Variants in COG6 observed in about 807,000 individuals in gnomAD.
COG6 encodes conserved oligomeric Golgi complex subunit 6.
Under a neutral mutation model 88.8 loss-of-function variants are expected in COG6, and 74 were observed. That is an observed-to-expected ratio of 0.83 (90% confidence interval 0.69 to 1.01). The LOEUF is 1.01. Ranked by LOEUF, COG6 falls within the 50% of genes least tolerant of loss-of-function variation. The pLI is 0.00. For synonymous variants in COG6, 286 were observed against 278.7 expected (o/e 1.03, Z -0.26); for missense variants, 800 against 797.9 (o/e 1.00, Z -0.03).
chr13:39,744,012 A>T (rs1453533295), intron 18 of COG6, among the ~76,000 whole-genome samples: 1 of 152,214 alleles, frequency 6.6e-6, no homozygotes, highest in Non-Finnish European at 1.5e-5. Flanking sequence ...CCACATGATT[A>T]TCTCAATAAA....
intron 4 of COG6, among the ~76,000 whole-genome samples, chr13:39,676,023 T>C (rs181814450): frequency 2.5e-4 from 38 of 152,292 alleles, no homozygotes; most frequent in African/African-American, 7.9e-4. Context: ...TAAACATTTA[T>C]CATTTCTTTG....
intron 18 of COG6, among the ~76,000 whole-genome samples, chr13:39,761,651 C>T (rs1881018470): frequency 6.6e-6 from 1 of 151,402 alleles, no homozygotes; most frequent in African/African-American, 2.4e-5. Flanking sequence ...ATATTTAGAA[C>T]ATACAAGGAC....
intron 18 of COG6, among the ~76,000 whole-genome samples, chr13:39,728,537 G>T (rs995211218): frequency 6.6e-6 from 1 of 151,374 alleles, no homozygotes; most frequent in Non-Finnish European, 1.5e-5. Flanking sequence ...TAGAGTAAAT[G>T]AATTTAATTT....
At chr13:39,713,210 A>G (rs1239882591) in intron 13 of COG6, among the ~76,000 whole-genome samples, 2 of 152,092 alleles carry the variant, frequency 1.3e-5, no homozygotes, top group Non-Finnish European at 2.9e-5. Context: ...AGCTTATAGG[A>G]ATTTCTGTAT....
At position 39,687,495 on chromosome 13, in the gene COG6, T is replaced by C; in HGVS notation, c.789-8T>C. 7 of 1,611,974 alleles carry C rather than the reference T, an allele frequency of 4.3e-6. No individual in the cohort carries two copies. Among genetic ancestry groups the C allele is most frequent in the Non-Finnish European group, 5.9e-6 (7 of 1,178,166 alleles). On this transcript the variant is annotated splice_polypyrimidine_tract_variant and splice_region_variant and intron_variant, in intron 8 of 18. Transcript: ENST00000455146. ...CCAACCATTTTTTATATAACTTGTTTCTTCTAGATATACCTTAGATGAATT... is the reference window on the plus strand; with the variant it reads ...CCAACCATTTTTTATATAACTTGTTCCTTCTAGATATACCTTAGATGAATT...
rs200866607 is a variant in COG6 at position 39,750,949 on chromosome 13, G to C, written c.1830G>C (p.Glu610Asp). ...CATTTTGTTTGCTTATCAATAGAGAGCAGATCGTAAAACAATCTACAGAAT... is the reference window on the plus strand; with the variant it reads ...CATTTTGTTTGCTTATCAATAGAGACCAGATCGTAAAACAATCTACAGAAT... ...LNFLLSATVK[E>D]QIVKQSTELV... Residue 610 changes from glutamate (E) to aspartate (D), a missense_variant, in exon 19 of 19, where the codon GAG becomes GAC. Glu to Asp is a conservative substitution (Grantham distance 45). Coordinates refer to ENST00000455146, the MANE Select transcript of COG6 (RefSeq NM_020751.3). 1 of 1,612,868 alleles carries C rather than the reference G, an allele frequency of 6.2e-7. No homozygotes were observed. The highest frequency in any genetic ancestry group is 8.5e-7 in the Non-Finnish European group (1 of 1,179,294).
intron 18 of COG6, among the ~76,000 whole-genome samples, chr13:39,765,794 G>A (rs976926554): frequency 6.6e-5 from 10 of 152,114 alleles, no homozygotes; most frequent in African/African-American, 2.4e-4. Flanking sequence ...GAATTTTGGT[G>A]GTCGGCAAAG....
intron 18 of COG6, among the ~76,000 whole-genome samples, chr13:39,773,048 G>A (rs1881363516): frequency 1.3e-5 from 2 of 152,202 alleles, no homozygotes; most frequent in South Asian, 4.1e-4. Flanking sequence ...AGAATCGGAA[G>A]GGCTTTAGAG....
rs141356976 is a variant in COG6, at chr13:39,659,455, A to G, written c.245A>G (p.Lys82Arg). Residue 82 changes from lysine (K) to arginine (R), a missense_variant, in exon 2 of 19, where the codon AAA becomes AGA. Transcript: ENST00000455146. ...AATTTACGTGGAGATATTGAACGTA[A>G]AAGTTTAGCCATCAATGAAGAATTT... ...RRNLRGDIER[K>R]SLAINEEFVS... The G allele has an allele frequency of 1.8e-5, 29 of 1,613,562 alleles. No individual in the cohort carries two copies. Among genetic ancestry groups the G allele is most frequent in the Non-Finnish European group, 1.9e-5 (22 of 1,179,784 alleles).
chr13:39,769,357 C>T (rs1317320847), intron 18 of COG6, among the ~76,000 whole-genome samples: 1 of 152,142 alleles, frequency 6.6e-6, no homozygotes, highest in Non-Finnish European at 1.5e-5. Context: ...TGCAATATTC[C>T]AGATTACCAT....
intron 13 of COG6, among the ~76,000 whole-genome samples, chr13:39,707,741 T>C (rs993891008): frequency 1.3e-5 from 2 of 152,212 alleles, no homozygotes; most frequent in African/African-American, 4.8e-5. Flanking sequence ...ATTTTTTAAT[T>C]GTTGTGTAGT....
rs1418834183 is a variant in COG6, at chr13:39,751,559, T to C, written c.*466T>C. The C allele has an allele frequency of 7.8e-7, 1 of 1,287,214 alleles. No homozygotes were observed. The allele number at this position is 1,287,214 out of a possible 1,614,324, so 79.7% of individuals were successfully genotyped here. ...GCATACTTAGTAGCTTTTCTGAACC[T>C]AGCCTATGTCTCTGTCCCCAAAATA... On this transcript the variant is annotated 3_prime_UTR_variant, in exon 19 of 19. Transcript: ENST00000455146.
At chr13:39,728,495 G>T in intron 18 of COG6, among the ~76,000 whole-genome samples, 1 of 151,248 alleles carries the variant, frequency 6.6e-6, no homozygotes. Context: ...CTCAGACACA[G>T]AGTTAGGAAA....
intron 17 of COG6, among the ~76,000 whole-genome samples, chr13:39,726,753 C>A: frequency 6.6e-6 from 1 of 151,760 alleles, no homozygotes; most frequent in Admixed American, 6.6e-5. Flanking sequence ...TTTTCCTTCC[C>A]ACCTCAAGTC....
intron 8 of COG6, among the ~76,000 whole-genome samples, chr13:39,686,216 T>G (rs567537908): frequency 2.6e-5 from 4 of 152,316 alleles, no homozygotes; most frequent in African/African-American, 9.6e-5. Flanking sequence ...AGAATACTGT[T>G]TAGAGATTTA....
At chr13:39,719,165 TGAA>T in intron 13 of COG6, 68 bp from the exon 14 acceptor site, 1 of 1,468,004 alleles carries the variant, frequency 6.8e-7, no homozygotes, top group Admixed American at 1.7e-5. Context: ...TTTTTTACTA[TGAA>T]CTTACATTTA....
chr13:39,687,692 A>G lies in COG6; in HGVS notation c.918-16A>G. ...TTTTCCAAAGGAAATCTTCATTAAC[A>G]TTTAGTTTTCATTAGGTATGTAGGA... On this transcript the variant is annotated splice_polypyrimidine_tract_variant and intron_variant, in intron 9 of 18. Transcript: ENST00000455146. 1 of 1,614,044 alleles carries G rather than the reference A, an allele frequency of 6.2e-7. No homozygotes were observed. The highest frequency in any genetic ancestry group is 1.3e-5 in the African/African-American group (1 of 75,022).
chr13:39,716,887 T>C (rs1183747165), intron 13 of COG6, among the ~76,000 whole-genome samples: 1 of 152,194 alleles, frequency 6.6e-6, no homozygotes, highest in Admixed American at 6.5e-5. Flanking sequence ...ATTAGAGTTA[T>C]GAACAAAAAA....
At position 39,694,796 on chromosome 13, in the gene COG6, A is replaced by AT. The variant is rs1360890076; in HGVS notation, c.1166+80dup. The AT allele has an allele frequency of 3.3e-4, 264 of 797,202 alleles. 1 individual carries two copies. Among genetic ancestry groups the AT allele is most frequent in the South Asian group, 8.2e-4 (52 of 63,646 alleles). The allele number at this position is 797,202 out of a possible 1,614,324, so 49.4% of individuals were successfully genotyped here. On this transcript the variant is annotated intron_variant, in intron 12 of 18. Coordinates refer to ENST00000455146, the MANE Select transcript of COG6 (RefSeq NM_020751.3). ...TCTTTCAGTTAGAGCACAGTATAAG[A>AT]TTTTTTTTTATATTGTGTATAGTAA...
Sources: gnomAD v4.1 joint callset for allele counts (sites outside exome capture counted in the v4.1 genomes callset) on GRCh38, gnomAD v4.1.1 for gene constraint, MANE v1.5 for transcripts, NCBI Gene and HGNC (gene_info 2026-07-23, HGNC 2026-07-21) for gene names.